Variants in HNF4G observed in about 807,000 individuals in gnomAD.
HNF4G encodes hepatocyte nuclear factor 4-gamma.
A neutral mutation model predicts 50.9 loss-of-function variants in HNF4G; 21 were observed. That is an observed-to-expected ratio of 0.41 (90% CI 0.29 to 0.59). The LOEUF is 0.59. HNF4G is among the 20% of genes least tolerant of loss of function. The pLI is 0.26. For synonymous variants in HNF4G, 198 were observed against 185.6 expected (o/e 1.07, Z -0.54); for missense variants, 527 against 559.4 (o/e 0.94, Z 0.58).
chr8:75,460,676 A>T (rs1403610424), intron 1 of HNF4G, among the ~76,000 whole-genome samples: 4 of 152,214 alleles, frequency 2.6e-5, no homozygotes, highest in Non-Finnish European at 5.9e-5. Flanking sequence ...ATTCAGAGCC[A>T]TAAAAGAAAC....
chr8:75,433,456 A>G (rs990996109), intron 1 of HNF4G, among the ~76,000 whole-genome samples: 1 of 151,766 alleles, frequency 6.6e-6, no homozygotes, highest in Non-Finnish European at 1.5e-5. Context: ...ATCAATTTTA[A>G]TTGCTGTTTT....
intron 2 of HNF4G, among the ~76,000 whole-genome samples, chr8:75,529,207 C>T (rs965636115): frequency 1.3e-5 from 2 of 152,106 alleles, no homozygotes; most frequent in East Asian, 1.9e-4. Context: ...AGGAGAATGG[C>T]GTGAACCCGG....
rs1443119265 is a variant in HNF4G, at chr8:75,474,042, G to A, written c.-143-16047G>A. ...AGGTGAAAATCTTTGTGGTCAACTA[G>A]GGATAGTCAATAGAGATCTCTAGAC... is the stretch of plus-strand genomic sequence containing the variant. On this transcript the variant is annotated intron_variant, in intron 1 of 10. Coordinates refer to the HNF4G transcript ENST00000354370. Among the ~76,000 whole-genome samples, 3 of 152,126 alleles carry A rather than the reference G, an allele frequency of 2.0e-5. No individual in the cohort carries two copies. In the East Asian group the frequency reaches 5.8e-4, roughly 29 times the overall value.
chr8:75,472,942 G>C (rs949416008), intron 1 of HNF4G, among the ~76,000 whole-genome samples: 1 of 152,154 alleles, frequency 6.6e-6, no homozygotes, highest in African/African-American at 2.4e-5. Context: ...AGAAAAGTTA[G>C]ATCAGAGTGT....
chr8:75,548,686 T>G (rs1405248520), intron 3 of HNF4G, among the ~76,000 whole-genome samples: 1 of 152,344 alleles, frequency 6.6e-6, no homozygotes, highest in Middle Eastern at 3.4e-3. Flanking sequence ...TTGTCAGTTT[T>G]GCTGTTTGGT....
intron 1 of HNF4G, among the ~76,000 whole-genome samples, chr8:75,447,598 C>A (rs1461258046): frequency 2.6e-5 from 4 of 151,658 alleles, no homozygotes; most frequent in Non-Finnish European, 1.5e-5. Flanking sequence ...AAAAAACAAA[C>A]AACCCCATCA....
intron 2 of HNF4G, among the ~76,000 whole-genome samples, chr8:75,493,080 A>G (rs1812674158): frequency 6.6e-6 from 1 of 152,152 alleles, no homozygotes; most frequent in African/African-American, 2.4e-5. Context: ...CATATGAATC[A>G]TAAAATGCTT....
chr8:75,504,643 A>C (rs1278267426), intron 2 of HNF4G, among the ~76,000 whole-genome samples: 4 of 152,180 alleles, frequency 2.6e-5, no homozygotes, highest in Non-Finnish European at 5.9e-5. Flanking sequence ...AGGTTAATGC[A>C]CTGTAATTAT....
At chr8:75,557,235 A>T (rs1464764671) in intron 6 of HNF4G, among the ~76,000 whole-genome samples, 3 of 152,354 alleles carry the variant, frequency 2.0e-5, no homozygotes, top group South Asian at 4.1e-4. Flanking sequence ...AGAAAGAGTG[A>T]AACTCAAAAA....
intron 1 of HNF4G, among the ~76,000 whole-genome samples, chr8:75,429,477 T>C (rs1172598421): frequency 6.6e-6 from 1 of 152,166 alleles, no homozygotes; most frequent in South Asian, 2.1e-4. Flanking sequence ...ACTTCTACCA[T>C]AGGAATCTCT....
At chr8:75,479,577 ATTTTTTT>A (rs66931689) in intron 1 of HNF4G, among the ~76,000 whole-genome samples, 1 of 144,500 alleles carries the variant, frequency 6.9e-6, no homozygotes, top group Admixed American at 7.0e-5. Flanking sequence ...CTTCATTTGC[ATTTTTTT>A]TTTTTTTTGG....
chr8:75,491,482 T>C (rs189826910), intron 2 of HNF4G, among the ~76,000 whole-genome samples: 1 of 142,832 alleles, frequency 7.0e-6, no homozygotes, highest in African/African-American at 2.6e-5. Flanking sequence ...TTTTCTTTCC[T>C]TTTTTTTTTT....
chr8:75,410,054 A>G (rs1810463862), intron 1 of HNF4G, among the ~76,000 whole-genome samples: 1 of 152,184 alleles, frequency 6.6e-6, no homozygotes. Flanking sequence ...TCAAATACTT[A>G]TCTGTCAATA....
At chr8:75,464,064 G>A (rs370325172) in intron 1 of HNF4G, among the ~76,000 whole-genome samples, 3 of 151,954 alleles carry the variant, frequency 2.0e-5, no homozygotes, top group Non-Finnish European at 2.9e-5. Flanking sequence ...GTGAGCCACC[G>A]TGCCCGGACA....
Position 75,564,356 on chromosome 8 carries a change from T to A in HNF4G, c.*260T>A. 3.3e-6 allele frequency: 1 copy of A among 307,326 alleles called. No homozygotes were observed. The highest frequency in any genetic ancestry group is 2.1e-5 in the African/African-American group (1 of 46,584). The allele number at this position is 307,326 out of a possible 1,614,324, so 19.0% of individuals were successfully genotyped here. On this transcript the variant is annotated 3_prime_UTR_variant, in exon 10 of 10. Coordinates refer to ENST00000396423, the MANE Select transcript of HNF4G (RefSeq NM_004133.5). ...TTTCCAACTGCCCCTGCATTGTGCC[T>A]GAACCAATTGAATCTTATGTATGAG...
chr8:75,459,181 C>G (rs117138073), intron 1 of HNF4G, among the ~76,000 whole-genome samples: 2,456 of 152,144 alleles, frequency 0.016, 25 homozygotes, highest in Middle Eastern at 0.041. Context: ...TCTCTACTAG[C>G]TAGGTAAATA....
chr8:75,550,811 A>G (rs1320619684), intron 3 of HNF4G, among the ~76,000 whole-genome samples: 6 of 151,780 alleles, frequency 4.0e-5, no homozygotes, highest in African/African-American at 1.2e-4. Context: ...TCAAACCTCA[A>G]TTTTCTCAGG....
At chr8:75,543,136 G>A (rs1168358087) in intron 1 of HNF4G, among the ~76,000 whole-genome samples, 1 of 152,106 alleles carries the variant, frequency 6.6e-6, no homozygotes, top group Non-Finnish European at 1.5e-5. Flanking sequence ...GAACCTGGGA[G>A]GCAGAGGTTG....
chr8:75,514,598 G>T (rs558382550), intron 2 of HNF4G, among the ~76,000 whole-genome samples: 1 of 151,932 alleles, frequency 6.6e-6, no homozygotes, highest in Admixed American at 6.6e-5. Context: ...GGATTTGTCT[G>T]CTTTGGCCTC....
Sources: gnomAD v4.1 joint callset for allele counts (sites outside exome capture counted in the v4.1 genomes callset) on GRCh38, gnomAD v4.1.1 for gene constraint, MANE v1.5 for transcripts, NCBI Gene and HGNC (gene_info 2026-07-23, HGNC 2026-07-21) for gene names.